The following ZNF668 variants were observed in gnomAD, a reference collection of about 807,000 sequenced individuals.
The protein encoded by ZNF668 is zinc finger protein 668.
ZNF668 carries 10 observed loss-of-function variants against 40.3 expected under a neutral mutation model. That is an observed-to-expected ratio of 0.25 (90% CI 0.15 to 0.42). The LOEUF (loss-of-function observed/expected upper bound fraction) is 0.42. Ranked by LOEUF, ZNF668 falls within the 10% of genes least tolerant of loss-of-function variation. The pLI is 1.00. For synonymous variants in ZNF668, 428 were observed against 384.6 expected (o/e 1.11, Z -1.32); for missense variants, 749 against 904.6 (o/e 0.83, Z 2.21).
intron 1 of ZNF668, among the ~76,000 whole-genome samples, chr16:31,072,032 G>T (rs1452842630): frequency 2.0e-5 from 3 of 152,178 alleles, no homozygotes; most frequent in Non-Finnish European, 4.4e-5. Context: ...GGTCCAGTAG[G>T]ATTAGCGTTC....
At chr16:31,073,519 A>C (rs2057035607) in intron 1 of ZNF668, 140 bp downstream of exon 1, 1 of 152,006 alleles carries the variant, frequency 6.6e-6, no homozygotes, top group Non-Finnish European at 1.5e-5. Flanking sequence ...GGGGCCGCTC[A>C]CAGCCCGCCC....
rs545433893 is a variant in ZNF668, at chr16:31,067,108, C to A, written c.-22-2627G>T. Among the ~76,000 whole-genome samples, 456 of 152,204 alleles carry A rather than the reference C, an allele frequency of 3.0e-3. 1 individual carries two copies. The highest frequency in any genetic ancestry group is 5.3e-3 in the Non-Finnish European group (361 of 68,016). ...TGGAGCATGCCTGTACTCCCAGCTA[C>A]TCCAGAAGGCTGAGGTAGGAGAAAT... On this transcript the variant is annotated intron_variant, in intron 1 of 2. Transcript: ENST00000300849.
intron 1 of ZNF668, chr16:31,066,004 A>G (rs1000246556): frequency 1.9e-5 from 19 of 985,008 alleles, no homozygotes; most frequent in Non-Finnish European, 2.2e-5. Context: ...CCCTTATGCC[A>G]GGAAAGGGCG....
At position 31,064,213 on chromosome 16, in the gene ZNF668, GCCTAGGCTTGGC is replaced by G; in HGVS notation, c.235_246del (p.Ala79_Arg82del). 1 of 1,613,018 alleles carries G rather than the reference GCCTAGGCTTGGC, an allele frequency of 6.2e-7. No individual in the cohort carries two copies. The highest frequency in any genetic ancestry group is 8.5e-7 in the Non-Finnish European group (1 of 1,180,000). ...TTGGGGCATAGCGGACACGCATAGG[GCCTAGGCTTGGC>G]CGCGGAGCCTGACACCTTCTCCCCA... On this transcript the variant is annotated inframe_deletion, in exon 2 of 3. Coordinates refer to ENST00000300849, the MANE Select transcript of ZNF668 (RefSeq NM_024706.5).
Position 31,072,993 on chromosome 16 carries a change from G to A in ZNF668, c.-23+666C>T, listed in dbSNP as rs192749797. 3 of 152,384 alleles carry A rather than the reference G, an allele frequency of 2.0e-5. No homozygotes were observed. In the East Asian group the frequency reaches 5.8e-4, roughly 29 times the overall value. The allele number at this position is 152,384 out of a possible 1,614,324, so 9.4% of individuals were successfully genotyped here. ...CTCAGTTTCCTCATCAGTAAAATGG[G>A]GTCCCTTAAGTTTGTGGGAGTTTGA... On this transcript the variant is annotated intron_variant, in intron 1 of 2. Coordinates refer to ENST00000300849, the MANE Select transcript of ZNF668 (RefSeq NM_024706.5).
Position 31,062,077 on chromosome 16 carries a change from C to T in ZNF668, c.851G>A (p.Arg284His). ...HSGEKPFLCP[R>H]CGRMFSDPSS... ...GGGGTCGGAGAACATGCGGCCGCAG[C>T]GCGGGCACAGGAAGGGCTTCTCCCC... Residue 284 changes from arginine (R) to histidine (H), a missense_variant, in exon 3 of 3, where the codon CGC (arginine) becomes CAC (histidine). Coordinates refer to ENST00000300849, the MANE Select transcript of ZNF668 (RefSeq NM_024706.5). 1 of 1,612,264 alleles carries T rather than the reference C, an allele frequency of 6.2e-7. No individual in the cohort carries two copies. Among genetic ancestry groups the T allele is most frequent in the Non-Finnish European group, 8.5e-7 (1 of 1,179,396 alleles).
Position 31,070,165 on chromosome 16 carries a change from G to A in ZNF668, c.-23+3494C>T, listed in dbSNP as rs554640619. On this transcript the variant is annotated intron_variant, in intron 1 of 2. Coordinates refer to ENST00000300849, the MANE Select transcript of ZNF668 (RefSeq NM_024706.5). ...GATCTATTGACCTCGTGATCCGCCC[G>A]CCTCGGCCTCCCAGAGTGCTGGGAT... 2.4e-3 allele frequency among the ~76,000 whole-genome samples: 363 copies of A among 151,962 alleles called. 1 individual carries two copies. The highest frequency in any genetic ancestry group is 8.3e-3 in the African/African-American group (344 of 41,424).
chr16:31,064,420 CG>C lies in ZNF668; in HGVS notation c.39del (p.Gly14AlafsTer43). The C allele has an allele frequency of 1.2e-6, 2 of 1,612,878 alleles. No homozygotes were observed. ...VEAAEARSPA[P>X]GYKRSGRRYK... is the part of the protein sequence containing the mutation. ...TAGCGGCGGCCCGAGCGCTTGTAGC[CG>C]GGGGCTGGGGACCGGGCCTCTGCAG... is the stretch of plus-strand genomic sequence containing the variant. On this transcript the variant is annotated frameshift_variant, in exon 2 of 3. Coordinates refer to ENST00000300849, the MANE Select transcript of ZNF668 (RefSeq NM_024706.5). LOFTEE classifies it high-confidence loss of function.
chr16:31,064,414 T>C lies in ZNF668; in HGVS notation c.46A>G (p.Lys16Glu), dbSNP rs368506913. The C allele has an allele frequency of 1.1e-4, 185 of 1,613,006 alleles. No homozygotes were observed. Among genetic ancestry groups the C allele is most frequent in the South Asian group, 1.6e-4 (15 of 91,082 alleles). The change falls in exon 2 of 3, where the codon AAG becomes GAG. Residue 16 changes from lysine to glutamate, a missense_variant. Transcript: ENST00000300849. ...CACTTGTAGCGGCGGCCCGAGCGCT[T>C]GTAGCCGGGGGCTGGGGACCGGGCC... ...AEARSPAPGY[K>E]RSGRRYKCLS...
In ZNF668 at chr16:31,061,423, C is replaced by T; in HGVS notation, c.1505G>A (p.Gly502Asp). ...REAPGPLEGA[G>D]EAGGEEADEK... The stretch of plus-strand genomic sequence containing the variant: ...GTCAGCCTCCTCACCCCCCGCCTCG[C>T]CTGCCCCTTCCAAGGGACCAGGAGC... Residue 502 changes from glycine (G) to aspartate (D), a missense_variant, in exon 3 of 3, where the codon GGC becomes GAC. Coordinates refer to ENST00000300849, the MANE Select transcript of ZNF668 (RefSeq NM_024706.5). The surrounding 1 kb of genome is among the most constrained non-coding windows in gnomAD (Gnocchi z 7.7). The T allele has an allele frequency of 6.2e-7, 1 of 1,613,960 alleles. No individual in the cohort carries two copies. The highest frequency in any genetic ancestry group is 8.5e-7 in the Non-Finnish European group (1 of 1,179,966).
intron 1 of ZNF668, chr16:31,066,246 C>G (rs950701143): frequency 1.0e-6 from 1 of 985,354 alleles, no homozygotes; most frequent in African/African-American, 1.7e-5. Context: ...TGCAAATCCC[C>G]AGGTCCTTCC....
At chr16:31,069,039 C>A (rs1415257548) in intron 1 of ZNF668, 1 of 152,138 alleles carries the variant, frequency 6.6e-6, no homozygotes, top group African/African-American at 2.4e-5. Context: ...AAAAACTGTA[C>A]ACAAGGACAC....
intron 1 of ZNF668, among the ~76,000 whole-genome samples, chr16:31,069,646 C>T (rs1175634140): frequency 6.6e-6 from 1 of 152,052 alleles, no homozygotes; most frequent in Admixed American, 6.6e-5. Flanking sequence ...GATAATCATT[C>T]TCTATCTACT....
intron 2 of ZNF668, chr16:31,062,940 C>A (rs1482056053): frequency 1.3e-5 from 2 of 149,958 alleles, no homozygotes; most frequent in Admixed American, 6.7e-5. Flanking sequence ...ACTAAAAATA[C>A]AAAATTAGCC....
At position 31,064,017 on chromosome 16, in the gene ZNF668, G is replaced by A; in HGVS notation, c.443C>T (p.Ala148Val). 6.2e-7 allele frequency: 1 copy of A among 1,606,346 alleles called. No homozygotes were observed. Among genetic ancestry groups the A allele is most frequent in the South Asian group, 1.1e-5 (1 of 90,876 alleles). ...CTTGAGCTTGGAGAGCGCGCCATAG[G>A]CCTTCGGGCAGTGCGCACAGCGGAA... ...LPFRCAHCPK[A>V]YGALSKLKIH... is the part of the protein sequence containing the mutation. The change falls in exon 2 of 3, where the codon GCC (alanine) becomes GTC (valine). Residue 148 changes from alanine (A) to valine (V), a missense_variant. Physicochemically the swap from Ala to Val is moderately conservative, Grantham distance 64 (BLOSUM62 0). This residue lies in a region of ZNF668 where 151 missense variants were observed against 178.6 expected (regional missense o/e 0.85). Coordinates refer to ENST00000300849, the MANE Select transcript of ZNF668 (RefSeq NM_024706.5).
chr16:31,072,330 C>T (rs2057020759), intron 1 of ZNF668, among the ~76,000 whole-genome samples: 1 of 152,204 alleles, frequency 6.6e-6, no homozygotes, highest in Non-Finnish European at 1.5e-5. Context: ...GCCTCTGCCT[C>T]CTCCACAGTA....
chr16:31,071,172 A>T (rs2057014033), intron 1 of ZNF668, among the ~76,000 whole-genome samples: 1 of 138,916 alleles, frequency 7.2e-6, no homozygotes. Context: ...TTTCATTTTT[A>T]TTTATTTATT....
At chr16:31,063,771 G>A (rs367706484) in intron 2 of ZNF668, 42 bp downstream of exon 2, 17 of 1,488,412 alleles carry the variant, frequency 1.1e-5, no homozygotes, top group African/African-American at 2.8e-5. Context: ...CAACGCTGTC[G>A]CCCTGCCCCG....
chr16:31,070,944 C>G (rs2057012537), intron 1 of ZNF668, among the ~76,000 whole-genome samples: 1 of 152,078 alleles, frequency 6.6e-6, no homozygotes, highest in Non-Finnish European at 1.5e-5. Context: ...TCACTGCGAC[C>G]TCTGCCTCCT....
Sources: allele counts gnomAD v4.1 joint callset (sites outside exome capture counted in the v4.1 genomes callset), GRCh38; gene constraint gnomAD v4.1.1; regional missense constraint gnomAD v4.1.1; non-coding constraint Gnocchi (gnomAD v3.1); transcripts MANE v1.5; gene names NCBI Gene and HGNC (gene_info 2026-07-23, HGNC 2026-07-21).